Variants in DERA observed in about 807,000 individuals in gnomAD.
The protein encoded by DERA is 2-deoxy-D-ribose 5-phosphate aldolase.
A neutral mutation model predicts 41.1 loss-of-function variants in DERA; 15 were observed. That is an observed-to-expected ratio of 0.37 (90% CI 0.24 to 0.56). The LOEUF is 0.56. Among genes scored for constraint, DERA ranks in the 20% least tolerant of loss-of-function variants. The pLI is 0.81. For synonymous variants in DERA, 139 were observed against 137.4 expected (o/e 1.01, Z -0.08); for missense variants, 396 against 403.4 (o/e 0.98, Z 0.16).
At chr12:16,024,641 C>G (rs945300613) in intron 6 of DERA, among the ~76,000 whole-genome samples, 3 of 152,156 alleles carry the variant, frequency 2.0e-5, no homozygotes, top group African/African-American at 7.2e-5. Context: ...TTCAGAGAGC[C>G]TGTGTATTTT....
rs1262314362 is a variant in DERA at position 15,941,172 on chromosome 12, T to C, written c.32-15764T>C. On this transcript the variant is annotated intron_variant, in intron 1 of 8. Coordinates refer to ENST00000428559, the MANE Select transcript of DERA (RefSeq NM_015954.4). The surrounding 1 kb of genome is among the most constrained non-coding windows in gnomAD (Gnocchi z 4.5). ...AAGGAACCTAGTGATTTCCCGTACA[T>C]ATTTCATGTTCACCTAATCTACAGT... is the stretch of plus-strand genomic sequence containing the variant. 1.3e-5 allele frequency among the ~76,000 whole-genome samples: 2 copies of C among 152,224 alleles called. No individual in the cohort carries two copies. The highest frequency in any genetic ancestry group is 2.9e-5 in the Non-Finnish European group (2 of 68,038).
chr12:16,036,520 C>G lies in DERA; in HGVS notation c.900+139C>G. ...CCAATCCTCTACCTTTTCTTCCAAG[C>G]AAACCGCCATCAGAAGTGAGTAGGG... On this transcript the variant is annotated intron_variant, in intron 8 of 8. Coordinates refer to ENST00000428559, the MANE Select transcript of DERA (RefSeq NM_015954.4). This position sits in a 1 kb window ranked among gnomAD's most constrained non-coding sequence, Gnocchi z 4.9. 1 of 1,154,682 alleles carries G rather than the reference C, an allele frequency of 8.7e-7. No individual in the cohort carries two copies. The highest frequency in any genetic ancestry group is 1.2e-6 in the Non-Finnish European group (1 of 826,738). The allele number at this position is 1,154,682 out of a possible 1,614,324, so 71.5% of individuals were successfully genotyped here.
chr12:15,978,627 G>C (rs1948714310), intron 5 of DERA, among the ~76,000 whole-genome samples: 1 of 152,114 alleles, frequency 6.6e-6, no homozygotes, highest in Non-Finnish European at 1.5e-5. Flanking sequence ...AAGTAGCATG[G>C]GTTCTTAGCT....
intron 6 of DERA, among the ~76,000 whole-genome samples, chr12:16,007,906 A>T (rs1353446196): frequency 6.6e-6 from 1 of 152,124 alleles, no homozygotes; most frequent in Non-Finnish European, 1.5e-5. Context: ...GCTGGAGTGC[A>T]GTGGCATAGT....
Position 15,999,144 on chromosome 12 carries a change from G to A in DERA, c.637+16708G>A, listed in dbSNP as rs972198834. On this transcript the variant is annotated intron_variant, in intron 6 of 8. Coordinates refer to ENST00000428559, the MANE Select transcript of DERA (RefSeq NM_015954.4). The surrounding 1 kb of genome is among the most constrained non-coding windows in gnomAD (Gnocchi z 5.3). ...AAGACTGAGGCACTGTGGGAGCGAG[G>A]AGGAGGCCAATCAAGAACAGAAGGG... 1.3e-5 allele frequency among the ~76,000 whole-genome samples: 2 copies of A among 152,166 alleles called. No homozygotes were observed. Among genetic ancestry groups the A allele is most frequent in the East Asian group, 3.9e-4 (2 of 5,194 alleles).
chr12:16,020,830 A>C lies in DERA; in HGVS notation c.638-11712A>C, dbSNP rs780156304. Among the ~76,000 whole-genome samples the C allele has an allele frequency of 1.3e-5, 2 of 152,176 alleles. No individual in the cohort carries two copies. The highest frequency in any genetic ancestry group is 2.9e-5 in the Non-Finnish European group (2 of 68,028). The stretch of plus-strand genomic sequence containing the variant: ...CTTGGCTGCATTATGTTCATGCCCT[A>C]GGGATCTGAGGAAATTTGAATTTAA... On this transcript the variant is annotated intron_variant, in intron 6 of 8. Transcript: ENST00000428559. The surrounding 1 kb of genome is among the most constrained non-coding windows in gnomAD (Gnocchi z 5.5).
intron 1 of DERA, among the ~76,000 whole-genome samples, chr12:15,934,577 ACT>A (rs1343485045): frequency 6.6e-6 from 1 of 151,526 alleles, no homozygotes; most frequent in African/African-American, 2.4e-5. Context: ...TGACAGTGAG[ACT>A]CTGTCTTAAA....
intron 4 of DERA, among the ~76,000 whole-genome samples, chr12:15,960,473 A>G (rs1196927913): frequency 6.6e-6 from 1 of 151,284 alleles, no homozygotes; most frequent in Non-Finnish European, 1.5e-5. Flanking sequence ...CCCCATCTCT[A>G]CTAAAAATAC....
intron 1 of DERA, among the ~76,000 whole-genome samples, chr12:15,914,706 T>G (rs964642233): frequency 2.6e-5 from 4 of 152,334 alleles, no homozygotes; most frequent in African/African-American, 9.6e-5. Flanking sequence ...CTGCTCTGTC[T>G]CTGTGTGTCT....
chr12:16,037,339 G>A lies in DERA; in HGVS notation c.*593G>A, dbSNP rs1565621920. On this transcript the variant is annotated 3_prime_UTR_variant, in exon 9 of 9. Transcript: ENST00000428559. The surrounding 1 kb of genome is among the most constrained non-coding windows in gnomAD (Gnocchi z 6.7). ...CTTAAAAATTGTTACAATACATAAT[G>A]AAAAAATAATCCATTAAACATAAAA... 1 of 152,004 alleles carries A rather than the reference G, an allele frequency of 6.6e-6. No homozygotes were observed. The highest frequency in any genetic ancestry group is 1.5e-5 in the Non-Finnish European group (1 of 68,038). 9.4% of individuals were successfully genotyped at this position (152,004 alleles called of 1,614,324 possible).
intron 1 of DERA, among the ~76,000 whole-genome samples, chr12:15,949,563 G>A (rs1948480976): frequency 6.6e-6 from 1 of 152,230 alleles, no homozygotes; most frequent in African/African-American, 2.4e-5. Context: ...CAGTGTTAGG[G>A]TGGGAGTGAC....
chr12:15,953,549 A>G (rs2136144459), intron 1 of DERA, among the ~76,000 whole-genome samples: 1 of 152,322 alleles, frequency 6.6e-6, no homozygotes, highest in Admixed American at 6.5e-5. Flanking sequence ...ATTAAGGTAA[A>G]TAGTGGGACT....
intron 1 of DERA, among the ~76,000 whole-genome samples, chr12:15,947,326 T>G (rs1948458032): frequency 6.6e-6 from 1 of 152,158 alleles, no homozygotes. Context: ...CTCCCATGAT[T>G]ATTGTGTGGG....
Position 15,970,942 on chromosome 12 carries a change from A to T in DERA, c.508+7995A>T, listed in dbSNP as rs1327698182. 1.3e-5 allele frequency among the ~76,000 whole-genome samples: 2 copies of T among 152,234 alleles called. No homozygotes were observed. Among genetic ancestry groups the T allele is most frequent in the Non-Finnish European group, 2.9e-5 (2 of 68,048 alleles). ...AATGGTGTTACCATCTTTATTCAGA[A>T]AGTCATTATTTTTAGCAAAATGGGG... On this transcript the variant is annotated intron_variant, in intron 5 of 8. Transcript: ENST00000428559. This position sits in a 1 kb window ranked among gnomAD's most constrained non-coding sequence, Gnocchi z 4.3.
rs1300701917 is a variant in DERA at position 16,003,329 on chromosome 12, T to C, written c.637+20893T>C. 4.6e-5 allele frequency among the ~76,000 whole-genome samples: 7 copies of C among 152,218 alleles called. No homozygotes were observed. The South Asian group carries it at 6.2e-4, about 14-fold the overall frequency. On this transcript the variant is annotated intron_variant, in intron 6 of 8. Coordinates refer to ENST00000428559, the MANE Select transcript of DERA (RefSeq NM_015954.4). The surrounding 1 kb of genome is among the most constrained non-coding windows in gnomAD (Gnocchi z 4.8). ...ATTGCGACCTCATATTGACTAATTA[T>C]ATCTGCAAGCACCCAGGTTCCAAAT...
At chr12:16,016,456 C>A (rs898233217) in intron 6 of DERA, among the ~76,000 whole-genome samples, 1 of 152,100 alleles carries the variant, frequency 6.6e-6, no homozygotes, top group Non-Finnish European at 1.5e-5. Flanking sequence ...AATTAAATAA[C>A]CCTTTCTTTT....
At chr12:15,926,742 G>GAAAAA (rs71051274) in intron 1 of DERA, among the ~76,000 whole-genome samples, 7 of 120,468 alleles carry the variant, frequency 5.8e-5, no homozygotes, top group East Asian at 2.4e-4. Context: ...GTCTCAAAAA[G>GAAAAA]AAAAAAAAAA....
In DERA at chr12:15,938,016, C is replaced by G. The variant is rs905774108; in HGVS notation, c.32-18920C>G. On this transcript the variant is annotated intron_variant, in intron 1 of 8. Coordinates refer to ENST00000428559, the MANE Select transcript of DERA (RefSeq NM_015954.4). This position sits in a 1 kb window ranked among gnomAD's most constrained non-coding sequence, Gnocchi z 4.1. ...AGCTCTAATATCTTGTTGGCAACAT[C>G]CAAGTAAATAATTCAACTATCACAA... Among the ~76,000 whole-genome samples the G allele has an allele frequency of 1.3e-5, 2 of 152,170 alleles. No homozygotes were observed. The highest frequency in any genetic ancestry group is 2.9e-5 in the Non-Finnish European group (2 of 68,032).
rs894517544 is a variant in DERA at position 15,943,769 on chromosome 12, T to G, written c.32-13167T>G. On this transcript the variant is annotated intron_variant, in intron 1 of 8. Transcript: ENST00000428559. The surrounding 1 kb of genome is among the most constrained non-coding windows in gnomAD (Gnocchi z 4.5). ...TATACTTTAAGTTCTAGGATACATA[T>G]GCACAATGTGCAGGTTTGTTACATG... Among the ~76,000 whole-genome samples the G allele has an allele frequency of 6.6e-6, 1 of 151,774 alleles. No homozygotes were observed. Among genetic ancestry groups the G allele is most frequent in the Non-Finnish European group, 1.5e-5 (1 of 67,966 alleles).
Sources: allele counts gnomAD v4.1 joint callset (sites outside exome capture counted in the v4.1 genomes callset), GRCh38; gene constraint gnomAD v4.1.1; non-coding constraint Gnocchi (gnomAD v3.1); transcripts MANE v1.5; gene names NCBI Gene and HGNC (gene_info 2026-07-23, HGNC 2026-07-21).